KDM2A: variants seen among roughly 807,000 people sequenced by gnomAD.
KDM2A encodes lysine demethylase 2A.
Under a neutral mutation model 137.3 loss-of-function variants are expected in KDM2A, and 3 were observed. That is an observed-to-expected ratio of 0.02 (90% CI 0.01 to 0.06). The LOEUF (loss-of-function observed/expected upper bound fraction) is 0.06, where lower values mean the gene tolerates loss of function less well. Among genes scored for constraint, KDM2A ranks in the 10% least tolerant of loss-of-function variants. The probability of loss-of-function intolerance (pLI) is 1.00; values close to 1 mark genes in which losing one functional copy is unlikely to be tolerated. For synonymous variants in KDM2A, 512 were observed against 541.5 expected, an observed-to-expected ratio of 0.95 and a Z score of 0.76; for missense variants, 738 against 1,510.6, an observed-to-expected ratio of 0.49 and a Z score of 8.48.
In KDM2A at chr11:67,231,585, G is replaced by A. The variant is rs544109199; in HGVS notation, c.1104G>A (p.Leu368=). 5.9e-5 allele frequency: 94 copies of A among 1,606,484 alleles called. 2 individuals are homozygous for A. In the South Asian group the frequency reaches 8.8e-4, roughly 15 times the overall value. Residue 368 remains leucine, a synonymous_variant, in exon 12 of 21, where the codon TTG becomes TTA. Transcript: ENST00000529006. ...TGGTAGATTTGGAGTTAAATGGGTT[G>A]GAGTCTGGGAATGGGGATGAGGAAG... ...SLSMDLELNG[L]ESGNGDEEAV... is the part of the protein sequence containing the mutation.
chr11:67,119,363 C>T lies in KDM2A; in HGVS notation c.-770C>T. On this transcript the variant is annotated 5_prime_UTR_variant, in exon 1 of 21. Transcript: ENST00000529006. ...TCCCCGGCAGCGGCGGCGGCGGCGG[C>T]GGCTCTCGGAGCACCTTCCCAGCGG... 1 of 165,432 alleles carries T rather than the reference C, an allele frequency of 6.0e-6. No individual in the cohort carries two copies. Among genetic ancestry groups the T allele is most frequent in the Non-Finnish European group, 1.3e-5 (1 of 78,150 alleles). 10.2% of individuals were successfully genotyped at this position (165,432 alleles called of 1,614,324 possible).
intron 12 of KDM2A, among the ~76,000 whole-genome samples, chr11:67,237,972 A>G (rs902675465): frequency 6.6e-6 from 1 of 152,150 alleles, no homozygotes; most frequent in Non-Finnish European, 1.5e-5. Flanking sequence ...TATACAAATA[A>G]AACTTTATTT....
In KDM2A at chr11:67,207,491, G is replaced by T; in HGVS notation, c.308-19G>T. ...TATTAGTGGCTCGATAGAGATGATC[G>T]ATGCATCTTTTATGGCAGGGAGTCG... On this transcript the variant is annotated intron_variant, in intron 5 of 20. Coordinates refer to ENST00000529006, the MANE Select transcript of KDM2A (RefSeq NM_012308.3). 1.3e-5 allele frequency: 21 copies of T among 1,562,012 alleles called. No homozygotes were observed. Among genetic ancestry groups the T allele is most frequent in the East Asian group, 2.3e-5 (1 of 43,724 alleles).
At position 67,255,525 on chromosome 11, in the gene KDM2A, C is replaced by G; in HGVS notation, c.*470C>G. On this transcript the variant is annotated 3_prime_UTR_variant, in exon 21 of 21. Coordinates refer to ENST00000529006, the MANE Select transcript of KDM2A (RefSeq NM_012308.3). ...CGCGTCTCTCCTCCATCACACTCTC[C>G]CGGCTTGCGCAGGAGGGGCCAGCAG... 1 of 457,054 alleles carries G rather than the reference C, an allele frequency of 2.2e-6. No homozygotes were observed. Among genetic ancestry groups the G allele is most frequent in the South Asian group, 1.5e-5 (1 of 64,572 alleles). The allele number at this position is 457,054 out of a possible 1,614,324, so 28.3% of individuals were successfully genotyped here.
intron 2 of KDM2A, among the ~76,000 whole-genome samples, chr11:67,129,871 A>G (rs1199032493): frequency 6.6e-6 from 1 of 151,168 alleles, no homozygotes; most frequent in Non-Finnish European, 1.5e-5. Context: ...AGATCGTGCC[A>G]CTGCACTCCA....
At chr11:67,137,985 A>G (rs2136290258) in intron 2 of KDM2A, among the ~76,000 whole-genome samples, 1 of 152,088 alleles carries the variant, frequency 6.6e-6, no homozygotes, top group Non-Finnish European at 1.5e-5. Flanking sequence ...TTTAGTAGAG[A>G]CGGGGTTTCA....
intron 2 of KDM2A, among the ~76,000 whole-genome samples, chr11:67,145,099 T>C (rs1311925822): frequency 6.7e-6 from 1 of 149,056 alleles, no homozygotes; most frequent in Non-Finnish European, 1.5e-5. Context: ...CTTGAACTCC[T>C]GACCTCAGGT....
intron 16 of KDM2A, 179 bp downstream of exon 16, chr11:67,248,549 T>G: frequency 1.8e-6 from 1 of 563,372 alleles, no homozygotes; most frequent in South Asian, 2.2e-5. Flanking sequence ...TGTTAGAGTT[T>G]GTAGCATTGT....
At chr11:67,180,865 T>C (rs1285775849) in intron 3 of KDM2A, among the ~76,000 whole-genome samples, 5 of 151,910 alleles carry the variant, frequency 3.3e-5, no homozygotes, top group Non-Finnish European at 7.4e-5. Context: ...TTTCGCCATG[T>C]TGGCCAGGCT....
chr11:67,255,689 AG>A lies in KDM2A; in HGVS notation c.*636del. The A allele has an allele frequency of 2.5e-6, 1 of 407,156 alleles. No individual in the cohort carries two copies. Among genetic ancestry groups the A allele is most frequent in the South Asian group, 1.7e-5 (1 of 57,214 alleles). 25.2% of individuals were successfully genotyped at this position (407,156 alleles called of 1,614,324 possible). ...AGCACTCGTGCTTGTTCACATAATT[AG>A]GTTTCCCACCCCAGCCTACCCGACT... is the stretch of plus-strand genomic sequence containing the variant. On this transcript the variant is annotated 3_prime_UTR_variant, in exon 21 of 21. Transcript: ENST00000529006.
Position 67,240,649 on chromosome 11 carries a change from A to C in KDM2A, c.1480-2360A>C, listed in dbSNP as rs111672685. On this transcript the variant is annotated intron_variant, in intron 12 of 20. Transcript: ENST00000529006. ...ATCTGTAGGGTGTGGGCTTGTGTTT[A>C]AATGTTCTCCCGAATGCCTGGAGCC... 4.7e-3 allele frequency among the ~76,000 whole-genome samples: 721 copies of C among 152,142 alleles called. 2 individuals are homozygous for C. Among genetic ancestry groups the C allele is most frequent in the African/African-American group, 0.017 (703 of 41,484 alleles).
At chr11:67,192,429 A>ATTT (rs1857378095) in intron 5 of KDM2A, among the ~76,000 whole-genome samples, 5 of 75,704 alleles carry the variant, frequency 6.6e-5, no homozygotes, top group African/African-American at 2.0e-4. Flanking sequence ...CTTTGTTTCC[A>ATTT]TTTCTTTTTT....
chr11:67,121,505 A>G (rs1434298715), intron 2 of KDM2A, 147 bp downstream of exon 2: 2 of 676,072 alleles, frequency 3.0e-6, no homozygotes, highest in African/African-American at 3.6e-5. Flanking sequence ...GTGTATTAAT[A>G]TCGAATTTGG....
intron 15 of KDM2A, among the ~76,000 whole-genome samples, chr11:67,246,830 T>C (rs1334346274): frequency 6.6e-6 from 1 of 151,718 alleles, no homozygotes; most frequent in Non-Finnish European, 1.5e-5. Flanking sequence ...ATACCTTTTA[T>C]AGATTTTTGG....
At chr11:67,239,762 A>C (rs552045565) in intron 12 of KDM2A, among the ~76,000 whole-genome samples, 1 of 152,344 alleles carries the variant, frequency 6.6e-6, no homozygotes, top group Admixed American at 6.5e-5. Context: ...CAAGGTGCCT[A>C]GTGTAGCCCG....
At chr11:67,126,000 C>T (rs1019697690) in intron 2 of KDM2A, among the ~76,000 whole-genome samples, 1 of 148,640 alleles carries the variant, frequency 6.7e-6, no homozygotes, top group African/African-American at 2.5e-5. Context: ...AATCCCAGCA[C>T]TTCGGGAGGC....
At chr11:67,224,496 C>T (rs1234170495) in intron 10 of KDM2A, among the ~76,000 whole-genome samples, 5 of 112,780 alleles carry the variant, frequency 4.4e-5, no homozygotes, top group East Asian at 2.9e-4. Flanking sequence ...GACAGAGTCT[C>T]GCTCTGTCCC....
chr11:67,202,387 A>G (rs1857649455), intron 5 of KDM2A, among the ~76,000 whole-genome samples: 1 of 152,224 alleles, frequency 6.6e-6, no homozygotes, highest in South Asian at 2.1e-4. Context: ...TACCATGGGT[A>G]AAATGATATC....
intron 2 of KDM2A, among the ~76,000 whole-genome samples, chr11:67,140,190 A>G (rs969397595): frequency 2.6e-5 from 4 of 151,892 alleles, no homozygotes; most frequent in African/African-American, 9.7e-5. Flanking sequence ...ACATGGCGAA[A>G]TCCCGTCTCT....
Sources: gnomAD v4.1 joint callset for allele counts (sites outside exome capture counted in the v4.1 genomes callset) on GRCh38, gnomAD v4.1.1 for gene constraint, MANE v1.5 for transcripts, NCBI Gene and HGNC (gene_info 2026-07-23, HGNC 2026-07-21) for gene names.